SCD5: variants seen among roughly 807,000 people sequenced by gnomAD.
SCD5 encodes the protein stearoyl-CoA desaturase 5.
SCD5 carries 20 observed loss-of-function variants against 30.4 expected under a neutral mutation model. The observed-to-expected ratio is 0.66, with a 90% CI of 0.46 to 0.96. The LOEUF is 0.96. Among genes scored for constraint, SCD5 ranks in the 40% least tolerant of loss-of-function variants. The probability of loss-of-function intolerance (pLI) is 0.00; values close to 1 mark genes in which losing one functional copy is unlikely to be tolerated. For synonymous variants in SCD5, 173 were observed against 176.4 expected, an observed-to-expected ratio of 0.98 and a Z score of 0.16; for missense variants, 381 against 443.3, an observed-to-expected ratio of 0.86 and a Z score of 1.26.
intron 1 of SCD5, among the ~76,000 whole-genome samples, chr4:82,793,432 G>T (rs898483623): frequency 3.9e-5 from 6 of 152,166 alleles, no homozygotes; most frequent in Non-Finnish European, 8.8e-5. Context: ...GCATGAAGGA[G>T]GGAGGAAGCA....
intron 3 of SCD5, among the ~76,000 whole-genome samples, chr4:82,648,537 TTG>T (rs1491447606): frequency 6.8e-5 from 1 of 14,618 alleles, no homozygotes; most frequent in Admixed American, 8.5e-4. Flanking sequence ...ATGCTCTGTG[TTG>T]GTTTCCAAGA....
chr4:82,647,267 G>A (rs1346228774), intron 3 of SCD5, among the ~76,000 whole-genome samples: 3 of 152,136 alleles, frequency 2.0e-5, no homozygotes, highest in African/African-American at 4.8e-5. Flanking sequence ...CTACATATAT[G>A]TAGATCTTGT....
chr4:82,653,653 G>C (rs1727801182), intron 3 of SCD5, among the ~76,000 whole-genome samples: 1 of 112,004 alleles, frequency 8.9e-6, no homozygotes, highest in South Asian at 2.8e-4. Context: ...GGCAGAACTA[G>C]TTGGGCAGAA....
chr4:82,679,284 G>A (rs1231502884), intron 3 of SCD5, among the ~76,000 whole-genome samples: 1,872 of 121,024 alleles, frequency 0.015, 89 homozygotes, highest in Admixed American at 0.077. Context: ...AAGAAAGAAG[G>A]AAGGAAAGAA....
chr4:82,641,692 GGA>G (rs1727550586), intron 3 of SCD5, among the ~76,000 whole-genome samples: 1 of 152,132 alleles, frequency 6.6e-6, no homozygotes, highest in Non-Finnish European at 1.5e-5. Flanking sequence ...GAATAATGGG[GGA>G]TCAAGTTTGG....
chr4:82,656,264 C>G (rs1274541261), intron 3 of SCD5, among the ~76,000 whole-genome samples: 1 of 152,092 alleles, frequency 6.6e-6, no homozygotes, highest in East Asian at 1.9e-4. Context: ...CCCCACAACC[C>G]CCCAACAGGC....
At chr4:82,680,289 G>A (rs1728539923) in intron 3 of SCD5, among the ~76,000 whole-genome samples, 1 of 152,148 alleles carries the variant, frequency 6.6e-6, no homozygotes, top group Admixed American at 6.5e-5. Context: ...GAGAATTTCA[G>A]GACACAGTAG....
intron 3 of SCD5, among the ~76,000 whole-genome samples, chr4:82,653,707 T>TAGATAGATATAGATAG (rs34976357): frequency 1.6e-5 from 1 of 61,628 alleles, no homozygotes; most frequent in African/African-American, 6.4e-5. Context: ...GATAGATAGA[T>TAGATAGATATAGATAG]ATAGATAGAT....
intron 1 of SCD5, among the ~76,000 whole-genome samples, chr4:82,762,717 G>A (rs1207523770): frequency 6.6e-6 from 1 of 152,212 alleles, no homozygotes; most frequent in Non-Finnish European, 1.5e-5. Context: ...GCAGGCAGTG[G>A]TTCTCCTGGG....
intron 3 of SCD5, among the ~76,000 whole-genome samples, chr4:82,644,782 T>G (rs1449808475): frequency 2.0e-5 from 3 of 152,244 alleles, no homozygotes; most frequent in Non-Finnish European, 2.9e-5. Flanking sequence ...ACCCAATCCC[T>G]GGTATCAACA....
At chr4:82,798,187 G>T (rs1722270758) in intron 1 of SCD5, 119 bp downstream of exon 1, 1 of 1,077,836 alleles carries the variant, frequency 9.3e-7, no homozygotes, top group Non-Finnish European at 1.1e-6. Context: ...AGCGGGAGGC[G>T]AGGGGAGACC....
intron 1 of SCD5, among the ~76,000 whole-genome samples, chr4:82,708,885 T>A (rs1300954325): frequency 1.3e-5 from 2 of 151,988 alleles, no homozygotes; most frequent in Non-Finnish European, 2.9e-5. Flanking sequence ...ATAATCTGTA[T>A]CTCTATAGCA....
At chr4:82,682,048 G>C (rs1397516967) in intron 2 of SCD5, among the ~76,000 whole-genome samples, 1 of 152,230 alleles carries the variant, frequency 6.6e-6, no homozygotes, top group South Asian at 2.1e-4. Flanking sequence ...AAACAGAAGG[G>C]GGACAACTTT....
At chr4:82,742,705 T>C (rs553050047) in intron 1 of SCD5, among the ~76,000 whole-genome samples, 23 of 152,340 alleles carry the variant, frequency 1.5e-4, no homozygotes, top group Admixed American at 7.8e-4. Flanking sequence ...GAGAATCGCT[T>C]GAACCTGAGA....
chr4:82,744,552 C>T (rs1245618914), intron 1 of SCD5, among the ~76,000 whole-genome samples: 1 of 152,194 alleles, frequency 6.6e-6, no homozygotes, highest in African/African-American at 2.4e-5. Context: ...CAACTTCATG[C>T]TGGCTGCCTG....
At chr4:82,747,073 C>CCCCA (rs770301783) in intron 1 of SCD5, among the ~76,000 whole-genome samples, 1 of 149,580 alleles carries the variant, frequency 6.7e-6, no homozygotes, top group Non-Finnish European at 1.5e-5. Flanking sequence ...CAACCTGCCC[C>CCCCA]CCAAGAAAGA....
intron 1 of SCD5, among the ~76,000 whole-genome samples, chr4:82,792,732 C>T (rs1339620593): frequency 6.6e-6 from 1 of 152,190 alleles, no homozygotes; most frequent in African/African-American, 2.4e-5. Flanking sequence ...AAAGAAAATA[C>T]ATATGCCCAA....
At chr4:82,732,618 G>A (rs1286256267) in intron 1 of SCD5, among the ~76,000 whole-genome samples, 4 of 152,130 alleles carry the variant, frequency 2.6e-5, no homozygotes, top group Non-Finnish European at 5.9e-5. Context: ...GACAGGCTCC[G>A]GCTACCTCCC....
At chr4:82,772,684 C>G (rs184847045) in intron 1 of SCD5, among the ~76,000 whole-genome samples, 1 of 152,130 alleles carries the variant, frequency 6.6e-6, no homozygotes, top group Non-Finnish European at 1.5e-5. Flanking sequence ...AAAGGTTCCC[C>G]GTGACAAGAG....
Sources: gnomAD v4.1 joint callset for allele counts (sites outside exome capture counted in the v4.1 genomes callset) on GRCh38, gnomAD v4.1.1 for gene constraint, MANE v1.5 for transcripts, NCBI Gene and HGNC (gene_info 2026-07-23, HGNC 2026-07-21) for gene names.